ELL2: variants seen among roughly 807,000 people sequenced by gnomAD.
The protein encoded by ELL2 is RNA polymerase II elongation factor ELL2.
A neutral mutation model predicts 72.8 loss-of-function variants in ELL2; 21 were observed. The ratio of observed to expected loss-of-function variants is 0.29; its 90% CI spans 0.20 to 0.42. The LOEUF (loss-of-function observed/expected upper bound fraction) is 0.42, where lower values mean the gene tolerates loss of function less well. Ranked by LOEUF, ELL2 falls within the 10% of genes least tolerant of loss-of-function variation. The pLI, the probability that ELL2 is intolerant of heterozygous loss-of-function variation, is 1.00. For synonymous variants in ELL2, 266 were observed against 283.2 expected, an observed-to-expected ratio of 0.94 and a Z score of 0.61; for missense variants, 568 against 772.8, an observed-to-expected ratio of 0.73 and a Z score of 3.14.
intron 4 of ELL2, among the ~76,000 whole-genome samples, chr5:95,908,636 C>T (rs1749467255): frequency 6.6e-6 from 1 of 152,154 alleles, no homozygotes; most frequent in African/African-American, 2.4e-5. Flanking sequence ...AGTGTGAATA[C>T]ACACTGAAAT....
chr5:95,959,843 C>T (rs1751748764), intron 1 of ELL2, among the ~76,000 whole-genome samples: 1 of 152,174 alleles, frequency 6.6e-6, no homozygotes, highest in Admixed American at 6.5e-5. Context: ...ATGTGTCCAC[C>T]CAATTCTGTG....
intron 1 of ELL2, among the ~76,000 whole-genome samples, chr5:95,952,702 T>C (rs1333761088): frequency 3.3e-5 from 5 of 152,184 alleles, no homozygotes; most frequent in African/African-American, 1.2e-4. Flanking sequence ...CTATTAAACT[T>C]TGATGAGGAA....
chr5:95,952,355 C>T (rs1035966139), intron 1 of ELL2, among the ~76,000 whole-genome samples: 1 of 152,106 alleles, frequency 6.6e-6, no homozygotes, highest in Admixed American at 6.5e-5. Flanking sequence ...CTATTGGGTA[C>T]TATGCTTATT....
chr5:95,902,479 G>T (rs539407769), intron 5 of ELL2, among the ~76,000 whole-genome samples: 1 of 152,140 alleles, frequency 6.6e-6, no homozygotes, highest in Non-Finnish European at 1.5e-5. Context: ...ACAGGTTCAC[G>T]TGCCAAACCA....
chr5:95,906,686 C>T lies in ELL2; in HGVS notation c.578G>A (p.Arg193Gln). 4 of 1,614,078 alleles carry T rather than the reference C, an allele frequency of 2.5e-6. No individual in the cohort carries two copies. Among genetic ancestry groups the T allele is most frequent in the South Asian group, 2.2e-5 (2 of 91,080 alleles). Residue 193 changes from arginine (R) to glutamine (Q), a missense_variant, in exon 5 of 12, where the codon CGA (arginine) becomes CAA (glutamine). Arg to Gln is a conservative substitution (Grantham distance 43). Around this residue, in one of 2 missense-constraint regions of ELL2, gnomAD observed 511 missense variants for 728.4 expected, o/e 0.70. Coordinates refer to ENST00000237853, the MANE Select transcript of ELL2 (RefSeq NM_012081.6). The part of the protein sequence containing the change: ...STPMNPANTI[R>Q]KTHSSSTISQ... ...GATGGTGCTGCTGCTATGTGTCTTT[C>T]GAATTGTATTTGCAGGGTTCATGGG... is the stretch of plus-strand genomic sequence containing the variant.
At position 95,961,599 on chromosome 5, in the gene ELL2, C is replaced by A. The variant is rs776500796; in HGVS notation, c.123G>T (p.Ala41=). The A allele has an allele frequency of 1.2e-6, 2 of 1,604,724 alleles. No homozygotes were observed. The highest frequency in any genetic ancestry group is 1.7e-6 in the Non-Finnish European group (2 of 1,176,626). Residue 41 remains alanine (A), a synonymous_variant, in exon 1 of 12, where the codon GCG becomes GCT. Transcript: ENST00000237853. ...HVKLTETAIR[A]LETYQSHKNL... is the part of the protein sequence containing the mutation. ...CCTTGTGGCTCTGGTAAGTCTCGAGCGCCCGGATCGCCGTCTCGGTGAGCT... is the reference window on the plus strand; with the variant it reads ...CCTTGTGGCTCTGGTAAGTCTCGAGAGCCCGGATCGCCGTCTCGGTGAGCT...
chr5:95,913,072 GGT>G (rs3836901), intron 4 of ELL2, among the ~76,000 whole-genome samples: 56,618 of 151,860 alleles, frequency 0.37, 11,852 homozygotes, highest in African/African-American at 0.58. Flanking sequence ...AAGTTGTTAA[GGT>G]CACTGCTCAT....
rs776422521 is a variant in ELL2 at position 95,911,234 on chromosome 5, C to G, written c.481+2537G>C. Among the ~76,000 whole-genome samples, 60 of 151,018 alleles carry G rather than the reference C, an allele frequency of 4.0e-4. 1 individual carries two copies. The highest frequency in any genetic ancestry group is 6.5e-4 in the Non-Finnish European group (44 of 67,716). On this transcript the variant is annotated intron_variant, in intron 4 of 11. Coordinates refer to ENST00000237853, the MANE Select transcript of ELL2 (RefSeq NM_012081.6). ...ATGGATAAGGTTAAAAGAAAAAGATCAAAACATGACCTAACAAAATACAGT... is the reference window on the plus strand; with the variant it reads ...ATGGATAAGGTTAAAAGAAAAAGATGAAAACATGACCTAACAAAATACAGT...
intron 9 of ELL2, among the ~76,000 whole-genome samples, chr5:95,892,703 T>A (rs1352904412): frequency 1.3e-5 from 2 of 152,200 alleles, no homozygotes; most frequent in African/African-American, 4.8e-5. Flanking sequence ...TATAAGCCCA[T>A]CAGTTTGTTT....
At chr5:95,955,218 G>A (rs917921723) in intron 1 of ELL2, among the ~76,000 whole-genome samples, 7 of 152,044 alleles carry the variant, frequency 4.6e-5, no homozygotes, top group Non-Finnish European at 7.4e-5. Context: ...TAACATATAG[G>A]ATCCCTGTGA....
intron 5 of ELL2, among the ~76,000 whole-genome samples, chr5:95,906,109 T>TA (rs1749349801): frequency 6.6e-6 from 1 of 152,174 alleles, no homozygotes; most frequent in Non-Finnish European, 1.5e-5. Context: ...GCAAGATACA[T>TA]TTTAAACTAT....
intron 4 of ELL2, among the ~76,000 whole-genome samples, chr5:95,912,287 G>A (rs1364158318): frequency 6.6e-6 from 1 of 151,990 alleles, no homozygotes; most frequent in African/African-American, 2.4e-5. Flanking sequence ...TCAAGCTTTG[G>A]AATAAATCAA....
chr5:95,897,133 C>G (rs1360278266), intron 8 of ELL2, among the ~76,000 whole-genome samples: 1 of 152,166 alleles, frequency 6.6e-6, no homozygotes, highest in Non-Finnish European at 1.5e-5. Context: ...TCAAGAAAAG[C>G]ACATATCATA....
At chr5:95,925,239 C>T (rs1486438436) in intron 2 of ELL2, among the ~76,000 whole-genome samples, 2 of 152,136 alleles carry the variant, frequency 1.3e-5, no homozygotes, top group Non-Finnish European at 2.9e-5. Flanking sequence ...CCAGCAGTAC[C>T]ATGGTTTGAC....
chr5:95,934,294 T>C (rs1750698173), intron 2 of ELL2, among the ~76,000 whole-genome samples: 1 of 152,198 alleles, frequency 6.6e-6, no homozygotes, highest in Non-Finnish European at 1.5e-5. Flanking sequence ...GCCCTTTTCC[T>C]ATGGCTGCTT....
intron 5 of ELL2, among the ~76,000 whole-genome samples, chr5:95,901,894 C>A (rs1430459374): frequency 6.6e-6 from 1 of 152,204 alleles, no homozygotes; most frequent in East Asian, 1.9e-4. Context: ...CGGGACAGAG[C>A]AGGACAATGT....
chr5:95,906,703 G>A lies in ELL2; in HGVS notation c.561C>T (p.Asn187=), dbSNP rs1433141017. The part of the protein sequence containing the change: ...VPERKRSTPM[N]PANTIRKTHS... ...GTGTCTTTCGAATTGTATTTGCAGG[G>A]TTCATGGGGGTTGACCTTTTCCTCT... is the stretch of plus-strand genomic sequence containing the variant. The change falls in exon 5 of 12, where the codon AAC becomes AAT. Residue 187 remains asparagine (N), a synonymous_variant. Coordinates refer to ENST00000237853, the MANE Select transcript of ELL2 (RefSeq NM_012081.6). 1.2e-6 allele frequency: 2 copies of A among 1,614,070 alleles called. No homozygotes were observed. Among genetic ancestry groups the A allele is most frequent in the Non-Finnish European group, 8.5e-7 (1 of 1,179,952 alleles).
At position 95,890,847 on chromosome 5, in the gene ELL2, T is replaced by C. The variant is rs973242098; in HGVS notation, c.1761+256A>G. ...AGATCCAACTTTTTTTCCTATTTAG[T>C]TGTGTTTGGTATTTTTCTCAATATG... On this transcript the variant is annotated intron_variant, in intron 10 of 11. Coordinates refer to ENST00000237853, the MANE Select transcript of ELL2 (RefSeq NM_012081.6). The C allele has an allele frequency of 1.1e-5, 5 of 471,164 alleles. No individual in the cohort carries two copies. The East Asian group carries it at 2.1e-4, about 20-fold the overall frequency. The allele number at this position is 471,164 out of a possible 1,614,324, so 29.2% of individuals were successfully genotyped here. A position where few individuals can be genotyped will look rare whatever the true frequency, so the allele number is the denominator to read the frequency against.
chr5:95,892,845 T>G (rs749129376), intron 9 of ELL2, among the ~76,000 whole-genome samples: 5 of 152,160 alleles, frequency 3.3e-5, no homozygotes, highest in Non-Finnish European at 5.9e-5. Flanking sequence ...CTAAGTATAA[T>G]TGAGACAGTG....
Sources: gnomAD v4.1 joint callset for allele counts (sites outside exome capture counted in the v4.1 genomes callset) on GRCh38, gnomAD v4.1.1 for gene constraint, gnomAD v4.1.1 regional missense constraint, MANE v1.5 for transcripts, NCBI Gene and HGNC (gene_info 2026-07-23, HGNC 2026-07-21) for gene names.